Variants in PRKACB observed in about 807,000 individuals in gnomAD.
PRKACB encodes the protein cAMP-dependent protein kinase catalytic subunit beta.
Under a neutral mutation model 51.4 loss-of-function variants are expected in PRKACB, and 16 were observed. That is an observed-to-expected ratio of 0.31 (90% CI 0.21 to 0.47). The LOEUF is 0.47. Among genes scored for constraint, PRKACB ranks in the 20% least tolerant of loss-of-function variants. The pLI is 1.00. For missense variants in PRKACB, 309 were observed against 464.5 expected (o/e 0.67, Z 3.08); for synonymous variants, 147 against 154.4 (o/e 0.95, Z 0.35).
At chr1:84,189,997 AT>A (rs1368038599) in intron 5 of PRKACB, among the ~76,000 whole-genome samples, 1 of 151,602 alleles carries the variant, frequency 6.6e-6, no homozygotes, top group Non-Finnish European at 1.5e-5. Context: ...CCATCCTTTC[AT>A]TTTTCCAAAC....
chr1:84,171,806 T>G lies in PRKACB; in HGVS notation c.188-7371T>G, dbSNP rs140299227. 2.9e-3 allele frequency among the ~76,000 whole-genome samples: 436 copies of G among 151,614 alleles called. 2 individuals are homozygous for G. The highest frequency in any genetic ancestry group is 0.01 in the African/African-American group (420 of 41,442). On this transcript the variant is annotated intron_variant, in intron 1 of 9. Coordinates refer to ENST00000370685, the MANE Select transcript of PRKACB (RefSeq NM_182948.4). The stretch of plus-strand genomic sequence containing the variant: ...TCTACCAATGTGATTTCAGAATTGA[T>G]AACAGAATCTGGCAAGATTGCCAGA...
At chr1:84,176,334 A>G (rs1212863484) in intron 1 of PRKACB, among the ~76,000 whole-genome samples, 1 of 151,876 alleles carries the variant, frequency 6.6e-6, no homozygotes, top group Admixed American at 6.6e-5. Context: ...TTTTTTAAAT[A>G]ACCAGAGAAG....
chr1:84,213,343 A>G (rs772580222), intron 8 of PRKACB, among the ~76,000 whole-genome samples: 3 of 152,178 alleles, frequency 2.0e-5, no homozygotes, highest in African/African-American at 4.8e-5. Flanking sequence ...ACCCATATCA[A>G]TGAAACAGTA....
chr1:84,114,704 C>G (rs1237555966), intron 1 of PRKACB, among the ~76,000 whole-genome samples: 1 of 152,132 alleles, frequency 6.6e-6, no homozygotes, highest in Non-Finnish European at 1.5e-5. Context: ...AGTCAGCCTT[C>G]CCAGTCTCTG....
At chr1:84,082,081 T>C (rs1647584613) in intron 1 of PRKACB, among the ~76,000 whole-genome samples, 1 of 152,222 alleles carries the variant, frequency 6.6e-6, no homozygotes, top group Admixed American at 6.5e-5. Flanking sequence ...CTTACTCTTT[T>C]AAACTGTAAA....
intron 9 of PRKACB, among the ~76,000 whole-genome samples, chr1:84,226,912 C>T (rs993260428): frequency 1.3e-5 from 2 of 152,038 alleles, no homozygotes; most frequent in Admixed American, 1.3e-4. Flanking sequence ...ATGAGGTTAA[C>T]AAAACATTGT....
intron 1 of PRKACB, among the ~76,000 whole-genome samples, chr1:84,102,525 A>G (rs185180973): frequency 1.3e-5 from 2 of 152,350 alleles, no homozygotes; most frequent in Admixed American, 1.3e-4. Flanking sequence ...CCCAAGGTAG[A>G]GAAAGCCCTC....
At chr1:84,154,899 A>C (rs574679768) in intron 1 of PRKACB, among the ~76,000 whole-genome samples, 19 of 152,136 alleles carry the variant, frequency 1.2e-4, no homozygotes, top group African/African-American at 4.6e-4. Flanking sequence ...TAAAGGCTAC[A>C]TAGGATAAGC....
chr1:84,112,997 A>G (rs1399853303), intron 1 of PRKACB, among the ~76,000 whole-genome samples: 3 of 152,250 alleles, frequency 2.0e-5, no homozygotes, highest in Non-Finnish European at 2.9e-5. Flanking sequence ...AGAGCATTTT[A>G]TAAGTCAACA....
intron 1 of PRKACB, among the ~76,000 whole-genome samples, chr1:84,114,762 T>G (rs1650499908): frequency 6.6e-6 from 1 of 152,144 alleles, no homozygotes; most frequent in African/African-American, 2.4e-5. Flanking sequence ...ATATTTTAGC[T>G]CCCACATATA....
intron 1 of PRKACB, chr1:84,164,896 C>A: frequency 6.8e-7 from 1 of 1,473,394 alleles, no homozygotes; most frequent in Non-Finnish European, 9.0e-7. Flanking sequence ...CTGCATGCTC[C>A]AGTGTGTGTG....
intron 4 of PRKACB, 147 bp downstream of exon 4, chr1:84,184,282 A>G (rs1664456616): frequency 4.6e-6 from 3 of 658,168 alleles, no homozygotes; most frequent in Non-Finnish European, 7.0e-6. Context: ...ATTAAATCCT[A>G]TTGTGCTTAT....
At chr1:84,104,608 G>T (rs1057109275) in intron 1 of PRKACB, among the ~76,000 whole-genome samples, 4 of 152,050 alleles carry the variant, frequency 2.6e-5, no homozygotes, top group Non-Finnish European at 5.9e-5. Flanking sequence ...GTATATGAGA[G>T]TTCCCTTTCT....
At chr1:84,096,970 T>C (rs915650614) in intron 1 of PRKACB, among the ~76,000 whole-genome samples, 3 of 152,084 alleles carry the variant, frequency 2.0e-5, no homozygotes, top group Admixed American at 6.6e-5. Context: ...TTCGCCTGTT[T>C]TTGAGCTTTA....
intron 1 of PRKACB, among the ~76,000 whole-genome samples, chr1:84,163,894 T>A (rs1356864102): frequency 6.6e-6 from 1 of 152,028 alleles, no homozygotes; most frequent in Non-Finnish European, 1.5e-5. Flanking sequence ...ACCATTTTGG[T>A]ACAAATTTTG....
intron 1 of PRKACB, among the ~76,000 whole-genome samples, chr1:84,117,386 T>C (rs1650719171): frequency 6.6e-6 from 1 of 152,164 alleles, no homozygotes. Context: ...GTATTAGTTA[T>C]CCTTAGTACA....
chr1:84,232,934 G>A (rs1085738), intron 9 of PRKACB, among the ~76,000 whole-genome samples: 1 of 151,816 alleles, frequency 6.6e-6, no homozygotes, highest in African/African-American at 2.4e-5. Context: ...ATATTGTTAT[G>A]TGTGAATTTG....
In PRKACB at chr1:84,171,944, C is replaced by G. The variant is rs1329320130; in HGVS notation, c.188-7233C>G. Among the ~76,000 whole-genome samples the G allele has an allele frequency of 2.0e-5, 3 of 151,540 alleles. No homozygotes were observed. In the East Asian group the frequency reaches 5.8e-4, roughly 29 times the overall value. ...CAATAGCAACCAAAGTGCTAAAGAA[C>G]CTAGGTATAAATCTAATAAAAGTGT... On this transcript the variant is annotated intron_variant, in intron 1 of 9. Transcript: ENST00000370685.
chr1:84,083,466 G>A (rs1647711451), intron 1 of PRKACB, among the ~76,000 whole-genome samples: 1 of 152,118 alleles, frequency 6.6e-6, no homozygotes, highest in South Asian at 2.1e-4. Flanking sequence ...TTCATTGCCA[G>A]CAGCAGGATA....
Sources: allele counts gnomAD v4.1 joint callset (sites outside exome capture counted in the v4.1 genomes callset), GRCh38; gene constraint gnomAD v4.1.1; transcripts MANE v1.5; gene names NCBI Gene and HGNC (gene_info 2026-07-23, HGNC 2026-07-21).